The following SLC25A12 variants were observed in gnomAD, a reference collection of about 807,000 sequenced individuals.
SLC25A12 encodes electrogenic aspartate/glutamate antiporter SLC25A12, mitochondrial.
SLC25A12 carries 32 observed loss-of-function variants against 83.3 expected under a neutral mutation model. The observed-to-expected ratio is 0.38, with a 90% confidence interval of 0.29 to 0.52. SLC25A12 has a LOEUF of 0.52. Among genes scored for constraint, SLC25A12 ranks in the 20% least tolerant of loss-of-function variants. The pLI is 0.84. For synonymous variants in SLC25A12, 267 were observed against 291.1 expected, an observed-to-expected ratio of 0.92 and a Z score of 0.84; for missense variants, 611 against 835.6, an observed-to-expected ratio of 0.73 and a Z score of 3.31.
intron 13 of SLC25A12, among the ~76,000 whole-genome samples, chr2:171,806,884 C>T (rs6754817): frequency 0.27 from 40,721 of 152,046 alleles, 5,576 homozygotes; most frequent in African/African-American, 0.3. Context: ...ATGATGAAGA[C>T]TCAGGGTCAG....
At position 171,850,333 on chromosome 2, in the gene SLC25A12, CTTTGTTTTTTTT is replaced by C. The variant is rs1684900138; in HGVS notation, c.325+5489_325+5500del. ...GTTTCACCATGTTGGCCAGGCTGGTCTTTGTTTTTTTTTTTTTTTTTTTTTTTTTTGAGATGG... is the reference window on the plus strand; with the variant it reads ...GTTTCACCATGTTGGCCAGGCTGGTCTTTTTTTTTTTTTTTTTTGAGATGG... On this transcript the variant is annotated intron_variant, in intron 4 of 17. Coordinates refer to ENST00000422440, the MANE Select transcript of SLC25A12 (RefSeq NM_003705.5). Among the ~76,000 whole-genome samples the C allele has an allele frequency of 3.9e-5, 4 of 103,506 alleles. 1 individual carries two copies. In the South Asian group the frequency reaches 1.3e-3, roughly 35 times the overall value. 67.9% of individuals were successfully genotyped at this position (103,506 alleles called of 152,430 possible).
chr2:171,800,119 C>CA (rs1683679106), intron 13 of SLC25A12, among the ~76,000 whole-genome samples: 1 of 151,764 alleles, frequency 6.6e-6, no homozygotes, highest in African/African-American at 2.4e-5. Context: ...TGGATCTATC[C>CA]AAAAAACTAC....
At chr2:171,819,958 C>T (rs1008902180) in intron 9 of SLC25A12, among the ~76,000 whole-genome samples, 40 of 152,270 alleles carry the variant, frequency 2.6e-4, no homozygotes, top group Non-Finnish European at 4.3e-4. Context: ...CCTTAGCAAA[C>T]TAACACAGGA....
At chr2:171,849,567 T>C (rs1684875508) in intron 4 of SLC25A12, among the ~76,000 whole-genome samples, 2 of 149,748 alleles carry the variant, frequency 1.3e-5, no homozygotes, top group South Asian at 2.1e-4. Flanking sequence ...TCTTTTTTTT[T>C]TTTTTTTTTT....
intron 5 of SLC25A12, among the ~76,000 whole-genome samples, chr2:171,841,704 C>CA (rs1456721915): frequency 6.6e-6 from 1 of 152,032 alleles, no homozygotes; most frequent in Non-Finnish European, 1.5e-5. Context: ...TGAAAAGTCT[C>CA]AAAAAAATTT....
intron 17 of SLC25A12, among the ~76,000 whole-genome samples, chr2:171,786,051 T>C (rs116206543): frequency 2.0e-5 from 3 of 152,124 alleles, no homozygotes; most frequent in African/African-American, 7.2e-5. Context: ...TTTTATGTAG[T>C]AGACTCATAA....
chr2:171,817,600 C>CAAAAAAAAAAAAA (rs71013076), intron 9 of SLC25A12, among the ~76,000 whole-genome samples: 1 of 64,258 alleles, frequency 1.6e-5, no homozygotes, highest in Non-Finnish European at 2.7e-5. Context: ...GACTCTGCCT[C>CAAAAAAAAAAAAA]AAAAAAAAAA....
At chr2:171,815,732 T>C (rs1270726211) in intron 9 of SLC25A12, among the ~76,000 whole-genome samples, 1 of 152,028 alleles carries the variant, frequency 6.6e-6, no homozygotes, top group Non-Finnish European at 1.5e-5. Flanking sequence ...AAGAGAAAAA[T>C]TCCACCAGAT....
At chr2:171,809,117 G>A (rs1333097008) in intron 13 of SLC25A12, among the ~76,000 whole-genome samples, 1 of 152,082 alleles carries the variant, frequency 6.6e-6, no homozygotes, top group Non-Finnish European at 1.5e-5. Context: ...ATGGGCATTT[G>A]GGTTGGTTCC....
Position 171,883,198 on chromosome 2 carries a change from T to A in SLC25A12, c.66+10007A>T, listed in dbSNP as rs150480420. On this transcript the variant is annotated intron_variant, in intron 2 of 17. Transcript: ENST00000422440. ...TATTCAAGAAACAAACAAAACATCC[T>A]AATCTCAACTTAGAAGAGAAGGAAA... Among the ~76,000 whole-genome samples the A allele has an allele frequency of 2.8e-3, 424 of 152,312 alleles. 5 individuals are homozygous for A. The highest frequency in any genetic ancestry group is 1.0e-2 in the African/African-American group (415 of 41,568).
chr2:171,844,276 G>GA lies in SLC25A12; in HGVS notation c.465+92dup. The GA allele has an allele frequency of 2.2e-6, 3 of 1,369,324 alleles. No individual in the cohort carries two copies. In the Admixed American group the frequency reaches 5.3e-5, roughly 24 times the overall value. The allele number at this position is 1,369,324 out of a possible 1,614,324, so 84.8% of individuals were successfully genotyped here. On this transcript the variant is annotated intron_variant, in intron 5 of 17. Coordinates refer to ENST00000422440, the MANE Select transcript of SLC25A12 (RefSeq NM_003705.5). Reference sequence around the variant, plus strand: ...AAAAATAGGAGTGAAATACCATGGAGAACTTCTATTTTTGTAATAAACTTA... The same window carrying GA: ...AAAAATAGGAGTGAAATACCATGGAGAAACTTCTATTTTTGTAATAAACTTA...
intron 5 of SLC25A12, among the ~76,000 whole-genome samples, chr2:171,837,966 T>C (rs1448879232): frequency 6.6e-6 from 1 of 152,212 alleles, no homozygotes; most frequent in Non-Finnish European, 1.5e-5. Flanking sequence ...AACTTTGTAA[T>C]AAGTGATATC....
intron 11 of SLC25A12, among the ~76,000 whole-genome samples, chr2:171,810,804 T>G (rs1379184892): frequency 6.6e-6 from 1 of 152,222 alleles, no homozygotes; most frequent in African/African-American, 2.4e-5. Flanking sequence ...TCAATATTCA[T>G]TTATTTAAAA....
chr2:171,874,973 G>T (rs995344541), intron 2 of SLC25A12, among the ~76,000 whole-genome samples: 1 of 152,130 alleles, frequency 6.6e-6, no homozygotes, highest in Non-Finnish European at 1.5e-5. Flanking sequence ...TTTTCTCCAC[G>T]GCAGATGGGA....
intron 5 of SLC25A12, among the ~76,000 whole-genome samples, chr2:171,844,033 C>T (rs575465394): frequency 1.3e-5 from 2 of 152,264 alleles, no homozygotes; most frequent in African/African-American, 4.8e-5. Flanking sequence ...GATCTGCCCG[C>T]CTCGGCCTCC....
At chr2:171,826,990 T>A (rs1012136569) in intron 8 of SLC25A12, 108 bp from the exon 9 acceptor site, 2 of 714,190 alleles carry the variant, frequency 2.8e-6, no homozygotes, top group African/African-American at 3.6e-5. Flanking sequence ...TAGTTTAAAA[T>A]CATTACTTCC....
intron 3 of SLC25A12, among the ~76,000 whole-genome samples, chr2:171,861,697 C>A (rs1461767724): frequency 6.6e-6 from 1 of 152,184 alleles, no homozygotes. Flanking sequence ...TGTGAACCAC[C>A]ATGCCTGGCT....
chr2:171,844,065 G>T (rs1025381968), intron 5 of SLC25A12, among the ~76,000 whole-genome samples: 1 of 152,164 alleles, frequency 6.6e-6, no homozygotes, highest in Admixed American at 6.5e-5. Context: ...GATTACAGGC[G>T]TGAGCCACTG....
chr2:171,850,351 T>C (rs1374846180), intron 4 of SLC25A12, among the ~76,000 whole-genome samples: 1 of 134,922 alleles, frequency 7.4e-6, no homozygotes, highest in Non-Finnish European at 1.6e-5. Flanking sequence ...TTTTTTTTTT[T>C]TTTTTTTTTT....
Sources: gnomAD v4.1 joint callset for allele counts (sites outside exome capture counted in the v4.1 genomes callset) on GRCh38, gnomAD v4.1.1 for gene constraint, MANE v1.5 for transcripts, NCBI Gene and HGNC (gene_info 2026-07-23, HGNC 2026-07-21) for gene names.